ZBTB44: variants seen among roughly 807,000 people sequenced by gnomAD.
ZBTB44 encodes the protein zinc finger and BTB domain containing 44, also known as zinc finger and BTB domain-containing protein 44.
In ZBTB44, 15 loss-of-function variants were observed where a neutral mutation model predicts 54.0. The observed-to-expected ratio is 0.28, with a 90% CI of 0.19 to 0.43. The LOEUF is 0.43. Ranked by LOEUF, ZBTB44 falls within the 20% of genes least tolerant of loss-of-function variation. The pLI is 1.00. For synonymous variants in ZBTB44, 230 were observed against 250.1 expected (o/e 0.92, Z 0.76); for missense variants, 487 against 707.1 (o/e 0.69, Z 3.53).
Position 130,227,038 on chromosome 11 carries a change from A to C in ZBTB44, c.*4726T>G, listed in dbSNP as rs1158412443. Reference sequence around the variant, plus strand: ...ACAGATTTGAAAAAACATGATATTCACATTGATTACAATAACCCTAAAAAT... The same window carrying C: ...ACAGATTTGAAAAAACATGATATTCCCATTGATTACAATAACCCTAAAAAT... On this transcript the variant is annotated 3_prime_UTR_variant, in exon 8 of 8. Transcript: ENST00000357899. 6.6e-6 allele frequency: 1 copy of C among 152,210 alleles called. No individual in the cohort carries two copies. Among genetic ancestry groups the C allele is most frequent in the Non-Finnish European group, 1.5e-5 (1 of 68,034 alleles). The allele number at this position is 152,210 out of a possible 1,614,324, so 9.4% of individuals were successfully genotyped here. A position where few individuals can be genotyped will look rare whatever the true frequency, so the allele number is the denominator to read the frequency against.
rs1275603514 is a variant in ZBTB44 at position 130,314,657 on chromosome 11, G to C, written c.-339C>G. 1 of 151,950 alleles carries C rather than the reference G, an allele frequency of 6.6e-6. No homozygotes were observed. The highest frequency in any genetic ancestry group is 1.5e-5 in the Non-Finnish European group (1 of 68,024). The allele number at this position is 151,950 out of a possible 1,614,324, so 9.4% of individuals were successfully genotyped here. Reference sequence around the variant, plus strand: ...GCACCCCCAGCGCTCGGAGGGGCCAGAGGGGAGGAGCGAGGGGGCCCGGGA... The same window carrying C: ...GCACCCCCAGCGCTCGGAGGGGCCACAGGGGAGGAGCGAGGGGGCCCGGGA... On this transcript the variant is annotated 5_prime_UTR_variant, in exon 1 of 8. Transcript: ENST00000357899.
At chr11:130,307,158 C>T (rs1942315105) in intron 1 of ZBTB44, among the ~76,000 whole-genome samples, 1 of 151,880 alleles carries the variant, frequency 6.6e-6, no homozygotes, top group Non-Finnish European at 1.5e-5. Context: ...GGTGTGGTGG[C>T]TAACGCTTGT....
chr11:130,307,924 C>G (rs1051122159), intron 1 of ZBTB44, among the ~76,000 whole-genome samples: 4 of 152,200 alleles, frequency 2.6e-5, no homozygotes, highest in Admixed American at 1.3e-4. Flanking sequence ...CAGGGTTTCA[C>G]TATATTGGTC....
At chr11:130,295,546 C>T in intron 1 of ZBTB44, 1 of 702,354 alleles carries the variant, frequency 1.4e-6, no homozygotes, top group East Asian at 2.6e-5. Context: ...GTGAGGTGCC[C>T]AGCCTGCCCC....
intron 2 of ZBTB44, among the ~76,000 whole-genome samples, chr11:130,257,132 C>G (rs1053642155): frequency 6.8e-6 from 1 of 146,666 alleles, no homozygotes; most frequent in Non-Finnish European, 1.5e-5. Flanking sequence ...CAGTAATAGA[C>G]AAGCAGAGAG....
In ZBTB44 at chr11:130,231,005, A is replaced by G; in HGVS notation, c.*759T>C. The G allele has an allele frequency of 6.6e-6, 1 of 152,096 alleles. No homozygotes were observed. Among genetic ancestry groups the G allele is most frequent in the Non-Finnish European group, 1.5e-5 (1 of 67,970 alleles). 9.4% of individuals were successfully genotyped at this position (152,096 alleles called of 1,614,324 possible). A position where few individuals can be genotyped will look rare whatever the true frequency, so the allele number is the denominator to read the frequency against. The stretch of plus-strand genomic sequence containing the variant: ...AAATTTAAGCCCTTTAGATACCACA[A>G]AGTTACCCTCCTGGCCTTAAGAAAG... On this transcript the variant is annotated 3_prime_UTR_variant, in exon 8 of 8. Transcript: ENST00000357899.
rs1357579639 is a variant in ZBTB44, at chr11:130,238,518, G to A, written c.1193C>T (p.Pro398Leu). The part of the protein sequence containing the change: ...ERPSPNGPDR[P>L]FQCPTCGVRF... ...CACCCCGCAGGTTGGACACTGAAAA[G>A]GTCTGTCGGGACCATTTGGACTTGG... The change falls in exon 4 of 8, where the codon CCT becomes CTT. Residue 398 changes from proline to leucine, a missense_variant. Pro to Leu is a moderately conservative substitution (Grantham distance 98). Transcript: ENST00000357899. The A allele has an allele frequency of 6.2e-7, 1 of 1,611,826 alleles. No individual in the cohort carries two copies. Among genetic ancestry groups the A allele is most frequent in the African/African-American group, 1.3e-5 (1 of 75,002 alleles).
rs141416064 is a variant in ZBTB44 at position 130,234,165 on chromosome 11, G to A, written c.1677C>T (p.Val559=). 3,277 of 1,543,852 alleles carry A rather than the reference G, an allele frequency of 2.1e-3. 54 individuals are homozygous for A. The African/African-American group carries it at 0.04, about 19-fold the overall frequency. The change falls in exon 6 of 8, where the codon GTC becomes GTT. Residue 559 remains valine, a synonymous_variant. Transcript: ENST00000357899. ...TCTGGGTTGAGGAGACCTGTGAAAT[G>A]ACAGGCATTTGAACAGAGGAGTTGC... is the stretch of plus-strand genomic sequence containing the variant. ...FESNSSVQMP[V]ISQYHSKGKE... is the part of the protein sequence containing the mutation.
intron 2 of ZBTB44, among the ~76,000 whole-genome samples, chr11:130,252,750 C>A (rs1227809783): frequency 6.6e-6 from 1 of 152,156 alleles, no homozygotes; most frequent in East Asian, 1.9e-4. Flanking sequence ...CAAAGCCTGG[C>A]AGAGACACAA....
Position 130,260,012 on chromosome 11 carries a change from G to T in ZBTB44, c.1018+844C>A, listed in dbSNP as rs1295761534. 2.0e-5 allele frequency among the ~76,000 whole-genome samples: 3 copies of T among 151,800 alleles called. No individual in the cohort carries two copies. The South Asian group carries it at 6.3e-4, about 32-fold the overall frequency. On this transcript the variant is annotated intron_variant, in intron 2 of 7. Transcript: ENST00000357899. ...AATCATTTTATTTTCAATCTAAAAA[G>T]ATAAATAAATAAATAATAAAGAAAA...
chr11:130,276,033 C>G (rs1188969854), intron 1 of ZBTB44, among the ~76,000 whole-genome samples: 2 of 151,076 alleles, frequency 1.3e-5, no homozygotes, highest in Non-Finnish European at 3.0e-5. Flanking sequence ...TGAGGCTAGT[C>G]TGGCTAACAC....
intron 1 of ZBTB44, among the ~76,000 whole-genome samples, chr11:130,273,047 T>C (rs919006029): frequency 6.6e-6 from 1 of 152,190 alleles, no homozygotes; most frequent in Non-Finnish European, 1.5e-5. Flanking sequence ...TGCAACTCCA[T>C]ATTAATTTCA....
At chr11:130,302,794 G>A (rs1942056130) in intron 1 of ZBTB44, among the ~76,000 whole-genome samples, 1 of 152,146 alleles carries the variant, frequency 6.6e-6, no homozygotes, top group African/African-American at 2.4e-5. Context: ...CTGACATGGT[G>A]AAACCCCGTC....
At chr11:130,284,466 T>A (rs1378992396) in intron 1 of ZBTB44, among the ~76,000 whole-genome samples, 1 of 152,248 alleles carries the variant, frequency 6.6e-6, no homozygotes, top group Non-Finnish European at 1.5e-5. Flanking sequence ...CCAAGTCAGT[T>A]ACTTAATGTC....
chr11:130,264,768 C>G (rs977410871), intron 1 of ZBTB44, among the ~76,000 whole-genome samples: 1 of 152,128 alleles, frequency 6.6e-6, no homozygotes, highest in Non-Finnish European at 1.5e-5. Flanking sequence ...ATTTTGGATA[C>G]AGAGACATAC....
At chr11:130,239,076 C>T (rs1418511930) in intron 3 of ZBTB44, 1 of 153,762 alleles carries the variant, frequency 6.5e-6, no homozygotes, top group African/African-American at 2.4e-5. Context: ...GGCTACAGTA[C>T]AGATTAGAAA....
At chr11:130,253,861 C>T (rs1252846616) in intron 2 of ZBTB44, among the ~76,000 whole-genome samples, 2 of 152,138 alleles carry the variant, frequency 1.3e-5, no homozygotes, top group African/African-American at 4.8e-5. Context: ...GGTACTGGTA[C>T]CAAAACAGAT....
intron 2 of ZBTB44, among the ~76,000 whole-genome samples, chr11:130,260,085 T>A (rs1322903325): frequency 1.3e-5 from 2 of 152,160 alleles, no homozygotes; most frequent in Admixed American, 6.6e-5. Flanking sequence ...AGGGATTCCA[T>A]CACCTGCACT....
intron 1 of ZBTB44, among the ~76,000 whole-genome samples, chr11:130,273,874 GC>G (rs1414594689): frequency 1.3e-4 from 20 of 152,086 alleles, no homozygotes; most frequent in African/African-American, 4.8e-4. Flanking sequence ...TTCGAGACCA[GC>G]CTGGCCAACA....
Sources: allele counts gnomAD v4.1 joint callset (sites outside exome capture counted in the v4.1 genomes callset), GRCh38; gene constraint gnomAD v4.1.1; transcripts MANE v1.5; gene names NCBI Gene and HGNC (gene_info 2026-07-23, HGNC 2026-07-21).